The following RTN4RL1 variants were observed in gnomAD, a reference collection of about 807,000 sequenced individuals.
RTN4RL1 encodes reticulon 4 receptor like 1.
RTN4RL1 carries 7 observed loss-of-function variants against 25.6 expected under a neutral mutation model. That is an observed-to-expected ratio of 0.27 (90% CI 0.16 to 0.51). RTN4RL1 has a LOEUF of 0.51. Among genes scored for constraint, RTN4RL1 ranks in the 20% least tolerant of loss-of-function variants. The probability of loss-of-function intolerance (pLI) is 0.97; values close to 1 mark genes in which losing one functional copy is unlikely to be tolerated. For synonymous variants in RTN4RL1, 297 were observed against 288.2 expected, an observed-to-expected ratio of 1.03 and a Z score of -0.31; for missense variants, 500 against 615.6, an observed-to-expected ratio of 0.81 and a Z score of 1.99.
intron 1 of RTN4RL1, among the ~76,000 whole-genome samples, chr17:1,949,018 A>G (rs1215790313): frequency 6.7e-6 from 1 of 149,006 alleles, no homozygotes; most frequent in Non-Finnish European, 1.5e-5. Flanking sequence ...GTGCAGTGGC[A>G]TGATCTCGGC....
At chr17:2,011,087 A>AC (rs35704942) in intron 1 of RTN4RL1, among the ~76,000 whole-genome samples, 24,779 of 152,066 alleles carry the variant, frequency 0.16, 2,329 homozygotes, top group Middle Eastern at 0.21. Flanking sequence ...CCCCGTCTCT[A>AC]CTAAAAATAC....
At chr17:2,007,641 T>G (rs967756870) in intron 1 of RTN4RL1, among the ~76,000 whole-genome samples, 1 of 152,122 alleles carries the variant, frequency 6.6e-6, no homozygotes, top group Admixed American at 6.6e-5. Flanking sequence ...TGGAACATTT[T>G]GCAGCCGTTA....
chr17:1,963,238 C>A lies in RTN4RL1; in HGVS notation c.14-25430G>T, dbSNP rs926209047. Among the ~76,000 whole-genome samples, 4 of 152,218 alleles carry A rather than the reference C, an allele frequency of 2.6e-5. No homozygotes were observed. In the East Asian group the frequency reaches 7.7e-4, roughly 29 times the overall value. ...CATCTTTCTGGGCTGAGCCACCAGC[C>A]CCTCTGGGCGTAGAGCTGTCTGTGA... On this transcript the variant is annotated intron_variant, in intron 1 of 1. Coordinates refer to ENST00000331238, the MANE Select transcript of RTN4RL1 (RefSeq NM_178568.4).
chr17:1,965,959 C>T (rs1266599524), intron 1 of RTN4RL1, among the ~76,000 whole-genome samples: 1 of 152,156 alleles, frequency 6.6e-6, no homozygotes, highest in East Asian at 1.9e-4. Context: ...TCAGGCTCCC[C>T]ACTAAAGCTC....
chr17:1,997,228 T>G, intron 1 of RTN4RL1, among the ~76,000 whole-genome samples: 1 of 152,220 alleles, frequency 6.6e-6, no homozygotes, highest in Non-Finnish European at 1.5e-5. Flanking sequence ...GCTTCTTCAC[T>G]CACGACAATC....
At chr17:1,948,036 A>AC (rs1369161572) in intron 1 of RTN4RL1, among the ~76,000 whole-genome samples, 1 of 151,798 alleles carries the variant, frequency 6.6e-6, no homozygotes, top group Non-Finnish European at 1.5e-5. Flanking sequence ...GGCTCTCCCA[A>AC]CCCCCAGTGG....
intron 1 of RTN4RL1, among the ~76,000 whole-genome samples, chr17:1,954,458 A>G (rs1915748220): frequency 7.1e-6 from 1 of 141,844 alleles, no homozygotes; most frequent in Non-Finnish European, 1.5e-5. Context: ...GCACGATCTC[A>G]GCTCACTGCA....
chr17:2,022,557 G>A (rs921428901), intron 1 of RTN4RL1, among the ~76,000 whole-genome samples: 33 of 152,308 alleles, frequency 2.2e-4, no homozygotes, highest in African/African-American at 7.5e-4. Flanking sequence ...GGCTTTGGGC[G>A]CCTACCTAGA....
At chr17:2,004,001 G>A (rs1027371186) in intron 1 of RTN4RL1, among the ~76,000 whole-genome samples, 2 of 152,030 alleles carry the variant, frequency 1.3e-5, no homozygotes, top group African/African-American at 2.4e-5. Flanking sequence ...AACCCTGGAG[G>A]CGGAGGTTGC....
At chr17:1,965,143 C>T (rs1266258577) in intron 1 of RTN4RL1, among the ~76,000 whole-genome samples, 2 of 144,360 alleles carry the variant, frequency 1.4e-5, no homozygotes, top group African/African-American at 2.6e-5. Context: ...TTGTTTCACT[C>T]TTGTTGCCCA....
At chr17:1,949,463 G>A (rs945402367) in intron 1 of RTN4RL1, among the ~76,000 whole-genome samples, 1 of 152,170 alleles carries the variant, frequency 6.6e-6, no homozygotes, top group Non-Finnish European at 1.5e-5. Flanking sequence ...TGCAAAACAG[G>A]AGCTGGGAGC....
rs574800787 is a variant in RTN4RL1, at chr17:2,008,446, C to T, written c.13+16407G>A. ...CGTGAACGTAGGAAGGAAGCGTAGC[C>T]GGATTATGAAATGCACGAACACCCT... On this transcript the variant is annotated intron_variant, in intron 1 of 1. Coordinates refer to ENST00000331238, the MANE Select transcript of RTN4RL1 (RefSeq NM_178568.4). Among the ~76,000 whole-genome samples the T allele has an allele frequency of 3.9e-5, 6 of 152,190 alleles. No individual in the cohort carries two copies. In the South Asian group the frequency reaches 6.2e-4, roughly 16 times the overall value.
At chr17:1,939,999 T>G (rs1189228793) in intron 1 of RTN4RL1, among the ~76,000 whole-genome samples, 3 of 152,206 alleles carry the variant, frequency 2.0e-5, no homozygotes, top group Non-Finnish European at 4.4e-5. Flanking sequence ...GAACCAACCC[T>G]CTGGCCACTC....
At chr17:1,978,283 A>G (rs1213478843) in intron 1 of RTN4RL1, among the ~76,000 whole-genome samples, 1 of 152,114 alleles carries the variant, frequency 6.6e-6, no homozygotes, top group African/African-American at 2.4e-5. Context: ...CAGGGTCCCC[A>G]CCCCACTGGG....
At chr17:1,999,230 G>A (rs2066945048) in intron 1 of RTN4RL1, among the ~76,000 whole-genome samples, 1 of 151,270 alleles carries the variant, frequency 6.6e-6, no homozygotes, top group South Asian at 2.1e-4. Flanking sequence ...GGCGGATCAC[G>A]AGATCAAGAG....
intron 1 of RTN4RL1, among the ~76,000 whole-genome samples, chr17:1,939,159 T>C (rs4077913): frequency 0.093 from 14,195 of 151,838 alleles, 731 homozygotes; most frequent in East Asian, 0.16. Flanking sequence ...GAGACCATCC[T>C]GGCTAACACG....
At chr17:1,946,912 G>C (rs1175392628) in intron 1 of RTN4RL1, among the ~76,000 whole-genome samples, 1 of 147,306 alleles carries the variant, frequency 6.8e-6, no homozygotes, top group Admixed American at 6.8e-5. Flanking sequence ...GTGTATGCAC[G>C]TGTGTCTGTG....
chr17:1,956,962 A>T (rs868647559), intron 1 of RTN4RL1, among the ~76,000 whole-genome samples: 5 of 150,654 alleles, frequency 3.3e-5, no homozygotes, highest in Admixed American at 2.0e-4. Flanking sequence ...CTGGTCTCGA[A>T]CTCCTGACCT....
intron 1 of RTN4RL1, among the ~76,000 whole-genome samples, chr17:1,969,877 T>C (rs1597501519): frequency 6.6e-6 from 1 of 152,290 alleles, no homozygotes; most frequent in East Asian, 1.9e-4. Flanking sequence ...ATGGTTCTTC[T>C]GTTGTTCTCA....
Sources: gnomAD v4.1 joint callset for allele counts (sites outside exome capture counted in the v4.1 genomes callset) on GRCh38, gnomAD v4.1.1 for gene constraint, MANE v1.5 for transcripts, NCBI Gene and HGNC (gene_info 2026-07-23, HGNC 2026-07-21) for gene names.